DMD: variants seen among roughly 807,000 people sequenced by gnomAD.
DMD encodes the protein dystrophin.
Under a neutral mutation model 330.1 loss-of-function variants are expected in DMD, and 63 were observed. The observed-to-expected ratio is 0.19, with a 90% CI of 0.16 to 0.24. The LOEUF (loss-of-function observed/expected upper bound fraction) is 0.24. Among genes scored for constraint, DMD ranks in the 10% least tolerant of loss-of-function variants. The pLI, the probability that DMD is intolerant of heterozygous loss-of-function variation, is 1.00. For missense variants in DMD, 3,344 were observed against 2,684.1 expected (o/e 1.25, Z -5.43); for synonymous variants, 1,223 against 959.8 (o/e 1.27, Z -5.07).
chrX:32,876,317 C>A (rs2083373259), intron 2 of DMD, among the ~76,000 whole-genome samples: 1 of 112,034 alleles, frequency 8.9e-6, no homozygotes, highest in African/African-American at 3.2e-5. Context: ...AAAATGGTTT[C>A]TTCACCTATA....
chrX:32,545,549 A>G (rs1405145576), intron 16 of DMD, among the ~76,000 whole-genome samples: 1 of 111,915 alleles, frequency 8.9e-6, no homozygotes, highest in Non-Finnish European at 1.9e-5. Flanking sequence ...CTCAACATCG[A>G]AAGTCAATTT....
At chrX:31,976,916 G>A in intron 44 of DMD, among the ~76,000 whole-genome samples, 1 of 111,549 alleles carries the variant, frequency 9.0e-6, no homozygotes, top group Middle Eastern at 4.6e-3. Context: ...TTAATTTAGG[G>A]TAACTACTAG....
intron 51 of DMD, among the ~76,000 whole-genome samples, chrX:31,748,542 G>C (rs757082224): frequency 9.0e-6 from 1 of 111,496 alleles, no homozygotes. Flanking sequence ...ACACTTTCTC[G>C]TAAAGGTCAG....
intron 59 of DMD, among the ~76,000 whole-genome samples, chrX:31,473,203 C>CA (rs59143391): frequency 6.6e-3 from 551 of 82,861 alleles, no homozygotes; most frequent in East Asian, 9.0e-3. Flanking sequence ...CTAAAAAATC[C>CA]AAAAAAAAAA....
chrX:32,813,268 A>C (rs2077499759), intron 6 of DMD, among the ~76,000 whole-genome samples: 1 of 112,157 alleles, frequency 8.9e-6, no homozygotes, highest in Non-Finnish European at 1.9e-5. Flanking sequence ...ATGCATAAAA[A>C]TTGTAAAACT....
intron 44 of DMD, among the ~76,000 whole-genome samples, chrX:32,097,655 G>A (rs1055429980): frequency 8.9e-6 from 1 of 112,090 alleles, no homozygotes; most frequent in Non-Finnish European, 1.9e-5. Context: ...AATACAACAT[G>A]TATATGGAAA....
chrX:31,261,233 C>T (rs1039738034), intron 62 of DMD: 1 of 394,084 alleles, frequency 2.5e-6, no homozygotes, highest in Non-Finnish European at 4.4e-6. Flanking sequence ...GCAATATAAA[C>T]ATTATTCGGT....
intron 17 of DMD, among the ~76,000 whole-genome samples, chrX:32,542,810 A>G (rs1163853644): frequency 8.9e-6 from 1 of 112,117 alleles, no homozygotes; most frequent in Admixed American, 9.5e-5. Context: ...GTCTAAATTT[A>G]TCAATCAAGT....
intron 74 of DMD, among the ~76,000 whole-genome samples, chrX:31,153,435 G>A (rs1043474938): frequency 9.1e-6 from 1 of 110,308 alleles, no homozygotes; most frequent in African/African-American, 3.3e-5. Context: ...ACTACAGCAC[G>A]AGCTGAAAGC....
intron 20 of DMD, among the ~76,000 whole-genome samples, chrX:32,488,117 C>T (rs187929256): frequency 1.9e-4 from 21 of 111,217 alleles, no homozygotes; most frequent in Non-Finnish European, 3.8e-4. Context: ...AACATTTGGG[C>T]AAATGTTCAG....
chrX:32,175,725 GAAGTTGTTATGACCAC>G (rs1458391414), intron 44 of DMD, among the ~76,000 whole-genome samples: 1 of 111,072 alleles, frequency 9.0e-6, no homozygotes, highest in African/African-American at 3.3e-5. Context: ...AGGTGCTTTT[GAAGTTGTTATGACCAC>G]ATGTACAGTC....
chrX:33,204,201 G>A (rs887484874), intron 1 of DMD, among the ~76,000 whole-genome samples: 1 of 111,471 alleles, frequency 9.0e-6, no homozygotes, highest in Non-Finnish European at 1.9e-5. Context: ...AACCCATAAG[G>A]CTGTCCATTG....
intron 60 of DMD, among the ~76,000 whole-genome samples, chrX:31,366,497 C>CAAAAAAAAAAAAAAAAAAAAAAAA (rs2059256971): frequency 3.5e-5 from 1 of 28,285 alleles, no homozygotes; most frequent in Non-Finnish European, 6.3e-5. Flanking sequence ...AAAAAAAAAA[C>CAAAAAAAAAAAAAAAAAAAAAAAA]ATAAAAAAAA....
chrX:32,516,264 C>T (rs2045852377), intron 18 of DMD, among the ~76,000 whole-genome samples: 2 of 111,623 alleles, frequency 1.8e-5, no homozygotes. Context: ...AATACATATA[C>T]ATTGTATTTA....
chrX:33,201,283 T>G (rs1280335361), intron 1 of DMD, among the ~76,000 whole-genome samples: 4 of 111,304 alleles, frequency 3.6e-5, no homozygotes, highest in Admixed American at 2.9e-4. Context: ...TATTTCTGAC[T>G]TCCCTTTGCC....
intron 64 of DMD, among the ~76,000 whole-genome samples, chrX:31,212,174 G>A (rs1312102304): frequency 3.1e-3 from 255 of 81,111 alleles, no homozygotes; most frequent in Middle Eastern, 5.7e-3. Flanking sequence ...ATATGTGTGT[G>A]TGTATGTGTG....
intron 1 of DMD, among the ~76,000 whole-genome samples, chrX:33,049,744 T>C (rs1039077110): frequency 1.8e-5 from 2 of 111,422 alleles, no homozygotes; most frequent in African/African-American, 6.5e-5. Context: ...AAAATTAATA[T>C]ATATGTATAT....
chrX:31,286,022 A>G (rs2053180824), intron 62 of DMD, among the ~76,000 whole-genome samples: 1 of 112,225 alleles, frequency 8.9e-6, no homozygotes, highest in African/African-American at 3.2e-5. Context: ...CTTTAGAAGC[A>G]TAAGCTAAGT....
intron 44 of DMD, among the ~76,000 whole-genome samples, chrX:32,067,976 G>C (rs1285492236): frequency 8.9e-6 from 1 of 111,988 alleles, no homozygotes; most frequent in Non-Finnish European, 1.9e-5. Context: ...CCCAACAACA[G>C]TGTATAAGCA....
Sources: allele counts gnomAD v4.1 joint callset (sites outside exome capture counted in the v4.1 genomes callset), GRCh38; gene constraint gnomAD v4.1.1; transcripts MANE v1.5; gene names NCBI Gene and HGNC (gene_info 2026-07-23, HGNC 2026-07-21).